The following MTA3 variants were observed in gnomAD, a reference collection of about 807,000 sequenced individuals.
The protein encoded by MTA3 is metastasis associated 1 family member 3, also known as metastasis-associated protein MTA3.
MTA3 carries 34 observed loss-of-function variants against 83.5 expected under a neutral mutation model. The ratio of observed to expected loss-of-function variants is 0.41; its 90% CI spans 0.31 to 0.54. The LOEUF (loss-of-function observed/expected upper bound fraction) is 0.54, where lower values mean the gene tolerates loss of function less well. Among genes scored for constraint, MTA3 ranks in the 20% least tolerant of loss-of-function variants. MTA3 has a pLI of 0.33. For missense variants in MTA3, 761 were observed against 726.4 expected (o/e 1.05, Z -0.55); for synonymous variants, 303 against 252.7 (o/e 1.20, Z -1.89).
At chr2:42,549,393 TTA>T (rs1384940518) in intron 2 of MTA3, among the ~76,000 whole-genome samples, 11 of 118,294 alleles carry the variant, frequency 9.3e-5, no homozygotes, top group East Asian at 2.2e-4. Context: ...TATGTATATA[TTA>T]TATATACGTA....
upstream of MTA3, among the ~76,000 whole-genome samples, chr2:42,564,976 C>A (rs890893543): frequency 6.6e-6 from 1 of 152,074 alleles, no homozygotes; most frequent in Non-Finnish European, 1.5e-5. Context: ...TGGGTTTTCA[C>A]CATATTGACC....
intron 3 of MTA3, among the ~76,000 whole-genome samples, chr2:42,598,097 GA>G (rs1316382066): frequency 1.3e-5 from 2 of 151,672 alleles, no homozygotes; most frequent in African/African-American, 4.8e-5. Context: ...TTTTGAGACA[GA>G]ATCTTGCTCT....
At chr2:42,550,678 C>T (rs1315636305) in intron 2 of MTA3, among the ~76,000 whole-genome samples, 1 of 152,104 alleles carries the variant, frequency 6.6e-6, no homozygotes, top group African/African-American at 2.4e-5. Flanking sequence ...AAAGGGCTAT[C>T]CTTGAATATT....
At chr2:42,668,873 C>T (rs577184394) in intron 8 of MTA3, among the ~76,000 whole-genome samples, 6 of 152,134 alleles carry the variant, frequency 3.9e-5, no homozygotes, top group African/African-American at 1.4e-4. Context: ...AAAAATTTCC[C>T]ATCAAGAATA....
chr2:42,634,039 G>A (rs1211160390), intron 4 of MTA3, among the ~76,000 whole-genome samples: 1 of 152,020 alleles, frequency 6.6e-6, no homozygotes, highest in Non-Finnish European at 1.5e-5. Flanking sequence ...TTGACAATTT[G>A]GACAGTTTGG....
At chr2:42,565,065 C>G (rs981471901), upstream of MTA3, among the ~76,000 whole-genome samples, 3 of 152,112 alleles carry the variant, frequency 2.0e-5, no homozygotes, top group African/African-American at 7.2e-5. Context: ...TGTGAGCCAC[C>G]GCGCTCAGCC....
chr2:42,749,117 G>A (rs1203160754), intron 16 of MTA3, among the ~76,000 whole-genome samples: 3 of 152,202 alleles, frequency 2.0e-5, no homozygotes, highest in African/African-American at 7.2e-5. Flanking sequence ...TACTTGCATA[G>A]TTCAGAAATA....
chr2:42,623,311 G>A (rs80112023), intron 4 of MTA3, among the ~76,000 whole-genome samples: 2,107 of 152,328 alleles, frequency 0.014, 48 homozygotes, highest in African/African-American at 0.047. Flanking sequence ...AGGCTGCTAA[G>A]TGGTGGTTGC....
At chr2:42,519,301 G>C (rs1209753745) in intron 2 of MTA3, among the ~76,000 whole-genome samples, 1 of 151,898 alleles carries the variant, frequency 6.6e-6, no homozygotes, top group Non-Finnish European at 1.5e-5. Context: ...AAACTGTCAA[G>C]GTTATTAAAA....
Position 42,756,329 on chromosome 2 carries a change from TC to T in MTA3, c.*2931del, listed in dbSNP as rs1670237360. The T allele has an allele frequency of 2.4e-6, 1 of 421,420 alleles. No homozygotes were observed. Among genetic ancestry groups the T allele is most frequent in the African/African-American group, 2.2e-5 (1 of 46,382 alleles). The allele number at this position is 421,420 out of a possible 1,614,324, so 26.1% of individuals were successfully genotyped here. Reference sequence around the variant, plus strand: ...GAGGGGGCCCCAGCCTCTCCCCTCCTCTTGGCCTCCAGAGTCCTGCAGGTGC... The same window carrying T: ...GAGGGGGCCCCAGCCTCTCCCCTCCTTTGGCCTCCAGAGTCCTGCAGGTGC... On this transcript the variant is annotated 3_prime_UTR_variant, in exon 17 of 17. Transcript: ENST00000405094.
chr2:42,627,519 C>T (rs1312796683), intron 4 of MTA3, among the ~76,000 whole-genome samples: 1 of 151,984 alleles, frequency 6.6e-6, no homozygotes, highest in African/African-American at 2.4e-5. Context: ...CTTTATTCTT[C>T]TAATGGCCCC....
intron 16 of MTA3, among the ~76,000 whole-genome samples, chr2:42,739,406 A>G (rs1460837728): frequency 1.3e-5 from 2 of 152,000 alleles, no homozygotes; most frequent in Non-Finnish European, 2.9e-5. Flanking sequence ...TGTATAAAAT[A>G]ACAATGTATA....
chr2:42,499,788 G>T (rs1474412498), intron 2 of MTA3, among the ~76,000 whole-genome samples: 1 of 151,306 alleles, frequency 6.6e-6, no homozygotes, highest in Non-Finnish European at 1.5e-5. Context: ...AAAAAAAAAG[G>T]AATAATAAAA....
At chr2:42,647,164 A>AAAACAAAAAAAAAG in intron 6 of MTA3, among the ~76,000 whole-genome samples, 1 of 151,368 alleles carries the variant, frequency 6.6e-6, no homozygotes, top group South Asian at 2.1e-4. Context: ...CTAAAAAAAA[A>AAAACAAAAAAAAAG]AAACAAAAAA....
intron 3 of MTA3, 71 bp from the exon 4 acceptor site, chr2:42,609,387 T>C: frequency 7.0e-7 from 1 of 1,433,948 alleles, no homozygotes; most frequent in Non-Finnish European, 9.6e-7. Context: ...AAATGTTGAT[T>C]TGATCTGTTT....
intron 3 of MTA3, among the ~76,000 whole-genome samples, chr2:42,605,690 T>G (rs1186133657): frequency 8.1e-5 from 8 of 98,800 alleles, no homozygotes; most frequent in Admixed American, 3.9e-4. Flanking sequence ...CCCTCCCGGA[T>G]GGGGCGGCTG....
intron 2 of MTA3, among the ~76,000 whole-genome samples, chr2:42,571,013 AAAAAAAAT>A (rs1678414672): frequency 6.6e-6 from 1 of 151,852 alleles, no homozygotes; most frequent in Non-Finnish European, 1.5e-5. Context: ...CTCCGTCTCA[AAAAAAAAT>A]AAAAATAAAA....
rs181779087 is a variant in MTA3 at position 42,662,624 on chromosome 2, C to T, written c.702+2762C>T. Among the ~76,000 whole-genome samples, 1,052 of 151,914 alleles carry T rather than the reference C, an allele frequency of 6.9e-3. 26 individuals carry two copies. Among genetic ancestry groups the T allele is most frequent in the Non-Finnish European group, 4.8e-3 (325 of 67,946 alleles). On this transcript the variant is annotated intron_variant, in intron 8 of 16. Coordinates refer to ENST00000405094, the MANE Select transcript of MTA3 (RefSeq NM_001330442.2). ...AGATCTATTTTTCCCTGTGCAAGCA[C>T]CACATTTTAGTACATTTTGATAACT... is the stretch of plus-strand genomic sequence containing the variant.
At chr2:42,494,619 C>T in exon 1 of MTA3, 1 of 152,468 alleles carries the variant, frequency 6.6e-6, no homozygotes, top group Non-Finnish European at 1.5e-5. Flanking sequence ...CCCGACCCGG[C>T]CCCGGCCCCC....
Sources: allele counts gnomAD v4.1 joint callset (sites outside exome capture counted in the v4.1 genomes callset), GRCh38; gene constraint gnomAD v4.1.1; transcripts MANE v1.5; gene names NCBI Gene and HGNC (gene_info 2026-07-23, HGNC 2026-07-21).